The following CNTN4 variants were observed in gnomAD, a reference collection of about 807,000 sequenced individuals.
CNTN4 encodes contactin 4.
In CNTN4, 77 loss-of-function variants were observed where a neutral mutation model predicts 122.5. The ratio of observed to expected loss-of-function variants is 0.63; its 90% CI spans 0.52 to 0.76. CNTN4 has a LOEUF of 0.76. CNTN4 is among the 30% of genes least tolerant of loss of function. The pLI, the probability that CNTN4 is intolerant of heterozygous loss-of-function variation, is 0.00. For missense variants in CNTN4, 1,256 were observed against 1,259.1 expected (o/e 1.00, Z 0.04); for synonymous variants, 512 against 447.0 (o/e 1.15, Z -1.83).
intron 2 of CNTN4, among the ~76,000 whole-genome samples, chr3:2,279,826 A>T (rs981494470): frequency 1.3e-5 from 2 of 151,490 alleles, no homozygotes; most frequent in African/African-American, 4.8e-5. Context: ...CTGTGTAAAG[A>T]TATTTTAGAC....
chr3:2,881,208 T>G (rs925219866), intron 8 of CNTN4, among the ~76,000 whole-genome samples: 2 of 152,144 alleles, frequency 1.3e-5, no homozygotes, highest in Non-Finnish European at 2.9e-5. Flanking sequence ...AACTCTGAAA[T>G]GGCTGATGAA....
intron 4 of CNTN4, among the ~76,000 whole-genome samples, chr3:2,666,766 C>G (rs2084191943): frequency 7.8e-6 from 1 of 128,626 alleles, no homozygotes; most frequent in African/African-American, 2.8e-5. Context: ...ACAACAGGCC[C>G]CAGTGTGTGA....
rs557640952 is a variant in CNTN4 at position 2,461,658 on chromosome 3, A to T, written c.-88-109758A>T. On this transcript the variant is annotated intron_variant, in intron 3 of 24. Transcript: ENST00000418658. Reference sequence around the variant, plus strand: ...GGCTCTTAAGTGACTTGTCAAGTTAACAGACTATTCAGCAACAGATTTGAA... The same window carrying T: ...GGCTCTTAAGTGACTTGTCAAGTTATCAGACTATTCAGCAACAGATTTGAA... Among the ~76,000 whole-genome samples the T allele has an allele frequency of 2.2e-4, 34 of 152,254 alleles. 1 individual carries two copies. Among genetic ancestry groups the T allele is most frequent in the Admixed American group, 7.2e-4 (11 of 15,282 alleles).
chr3:2,305,595 A>G (rs370057972), intron 2 of CNTN4, among the ~76,000 whole-genome samples: 2 of 152,280 alleles, frequency 1.3e-5, no homozygotes, highest in South Asian at 2.1e-4. Flanking sequence ...CATATACTAT[A>G]CTTTGATGAA....
rs1458445055 is a variant in CNTN4 at position 2,853,864 on chromosome 3, C to T, written c.455-12888C>T. 2.6e-5 allele frequency among the ~76,000 whole-genome samples: 4 copies of T among 152,186 alleles called. No homozygotes were observed. In the East Asian group the frequency reaches 7.7e-4, roughly 29 times the overall value. On this transcript the variant is annotated intron_variant, in intron 7 of 24. Coordinates refer to ENST00000418658, the MANE Select transcript of CNTN4 (RefSeq NM_175607.3). ...CACTGTGTCCTGAGGTATGATTGGTCTCCTGTGACTCACTCCCATCTCTAT... is the reference window on the plus strand; with the variant it reads ...CACTGTGTCCTGAGGTATGATTGGTTTCCTGTGACTCACTCCCATCTCTAT...
At chr3:2,462,571 A>G (rs1477607724) in intron 3 of CNTN4, among the ~76,000 whole-genome samples, 2 of 152,180 alleles carry the variant, frequency 1.3e-5, no homozygotes, top group African/African-American at 4.8e-5. Context: ...AAACAAACCT[A>G]TTTTGCAGAT....
intron 6 of CNTN4, among the ~76,000 whole-genome samples, chr3:2,755,144 T>TATC (rs2090274875): frequency 6.6e-6 from 1 of 152,222 alleles, no homozygotes; most frequent in South Asian, 2.1e-4. Context: ...TTGCTTTTAA[T>TATC]ATCTAATAAC....
intron 6 of CNTN4, among the ~76,000 whole-genome samples, chr3:2,809,890 A>G (rs1299460042): frequency 6.6e-6 from 1 of 152,198 alleles, no homozygotes; most frequent in Non-Finnish European, 1.5e-5. Flanking sequence ...AAAATAGAGT[A>G]TGTCAAAGAA....
At chr3:2,369,646 G>C (rs918563057) in intron 3 of CNTN4, among the ~76,000 whole-genome samples, 3 of 152,012 alleles carry the variant, frequency 2.0e-5, no homozygotes, top group African/African-American at 7.2e-5. Flanking sequence ...GGTTCTCTTA[G>C]AAACCAGATG....
intron 2 of CNTN4, among the ~76,000 whole-genome samples, chr3:2,297,258 C>G (rs1374286314): frequency 6.6e-6 from 1 of 152,126 alleles, no homozygotes; most frequent in African/African-American, 2.4e-5. Context: ...TAATTTACAT[C>G]TAAAAGGAAT....
At chr3:2,957,017 T>C (rs987902167) in intron 13 of CNTN4, among the ~76,000 whole-genome samples, 8 of 152,326 alleles carry the variant, frequency 5.3e-5, no homozygotes, top group African/African-American at 1.9e-4. Flanking sequence ...TATTTACTAG[T>C]TTCTTTATCC....
rs1157523726 is a variant in CNTN4, at chr3:2,287,705, AGAAGAG to A, written c.-144-51467_-144-51462del. ...AAGAAGAAGAAGAGGAAGAAGAAGA[AGAAGAG>A]GAAGAAGAAGAAGAAGAAGAAGAAG... On this transcript the variant is annotated intron_variant, in intron 2 of 24. Transcript: ENST00000418658. Among the ~76,000 whole-genome samples the A allele has an allele frequency of 5.7e-3, 410 of 71,922 alleles. 6 individuals carry two copies. The highest frequency in any genetic ancestry group is 0.012 in the East Asian group (23 of 1,906). The allele number at this position is 71,922 out of a possible 152,430, so 47.2% of individuals were successfully genotyped here.
intron 2 of CNTN4, among the ~76,000 whole-genome samples, chr3:2,112,902 CT>C (rs1162541505): frequency 6.6e-6 from 1 of 152,102 alleles, no homozygotes; most frequent in African/African-American, 2.4e-5. Flanking sequence ...TGACTACAGG[CT>C]TCTAGTCATT....
intron 2 of CNTN4, among the ~76,000 whole-genome samples, chr3:2,228,062 A>G (rs1484887646): frequency 7.0e-6 from 1 of 142,166 alleles, no homozygotes; most frequent in African/African-American, 2.5e-5. Context: ...GAATTTAAGT[A>G]AATGAAAATA....
At chr3:2,636,649 T>C (rs1213324505) in intron 4 of CNTN4, among the ~76,000 whole-genome samples, 1 of 152,132 alleles carries the variant, frequency 6.6e-6, no homozygotes, top group East Asian at 1.9e-4. Context: ...ATATGAACAG[T>C]GAAGTCCAAA....
intron 3 of CNTN4, among the ~76,000 whole-genome samples, chr3:2,545,625 T>G (rs2078211904): frequency 6.6e-6 from 1 of 151,960 alleles, no homozygotes; most frequent in African/African-American, 2.4e-5. Context: ...GCCTTTTTTT[T>G]TTTTTATCCT....
intron 7 of CNTN4, among the ~76,000 whole-genome samples, chr3:2,853,333 C>T (rs985618140): frequency 9.2e-5 from 14 of 152,142 alleles, no homozygotes; most frequent in African/African-American, 2.9e-4. Flanking sequence ...CAAGCTCCGC[C>T]TCCCGGGTTC....
At chr3:2,923,080 AAAGC>A (rs1284571608) in intron 12 of CNTN4, among the ~76,000 whole-genome samples, 7 of 152,216 alleles carry the variant, frequency 4.6e-5, no homozygotes, top group Non-Finnish European at 1.0e-4. Flanking sequence ...AAATCCTGTA[AAAGC>A]AAAATGTAGT....
intron 3 of CNTN4, among the ~76,000 whole-genome samples, chr3:2,471,890 G>A (rs1389910848): frequency 6.6e-6 from 1 of 152,108 alleles, no homozygotes; most frequent in African/African-American, 2.4e-5. Flanking sequence ...AATACACATT[G>A]TAAAACCTAG....
Sources: gnomAD v4.1 joint callset for allele counts (sites outside exome capture counted in the v4.1 genomes callset) on GRCh38, gnomAD v4.1.1 for gene constraint, MANE v1.5 for transcripts, NCBI Gene and HGNC (gene_info 2026-07-23, HGNC 2026-07-21) for gene names.